Variants in MEGF9 observed in about 807,000 individuals in gnomAD.
The protein encoded by MEGF9 is multiple EGF like domains 9.
MEGF9 carries 6 observed loss-of-function variants against 46.8 expected under a neutral mutation model. The ratio of observed to expected loss-of-function variants is 0.13; its 90% CI spans 0.07 to 0.25. The LOEUF (loss-of-function observed/expected upper bound fraction) is 0.25, where lower values mean the gene tolerates loss of function less well. MEGF9 is among the 10% of genes least tolerant of loss of function. The probability of loss-of-function intolerance (pLI) is 1.00; values close to 1 mark genes in which losing one functional copy is unlikely to be tolerated. For missense variants in MEGF9, 683 were observed against 792.4 expected (o/e 0.86, Z 1.66); for synonymous variants, 302 against 330.7 (o/e 0.91, Z 0.94).
At chr9:120,650,746 A>G (rs2043645909) in intron 2 of MEGF9, among the ~76,000 whole-genome samples, 1 of 152,248 alleles carries the variant, frequency 6.6e-6, no homozygotes, top group African/African-American at 2.4e-5. Context: ...AGGTCACAAC[A>G]GAAGAGAATT....
At chr9:120,613,275 G>C (rs985590747) in intron 3 of MEGF9, among the ~76,000 whole-genome samples, 1 of 152,042 alleles carries the variant, frequency 6.6e-6, no homozygotes, top group East Asian at 1.9e-4. Flanking sequence ...TAACCAGATG[G>C]ATATAAACAT....
chr9:120,611,828 A>G lies in MEGF9; in HGVS notation c.1087+568T>C, dbSNP rs1209606263. 2.9e-4 allele frequency among the ~76,000 whole-genome samples: 40 copies of G among 138,560 alleles called. 1 individual carries two copies. Among genetic ancestry groups the G allele is most frequent in the African/African-American group, 1.1e-3 (36 of 32,136 alleles). The allele number at this position is 138,560 out of a possible 152,430, so 90.9% of individuals were successfully genotyped here. ...AGAAAGAAAGAAAAGAAAAGAAAAG[A>G]AAGAAAGGAAGGAAGGAAGGAAGGA... On this transcript the variant is annotated intron_variant, in intron 4 of 5. Coordinates refer to ENST00000373930, the MANE Select transcript of MEGF9 (RefSeq NM_001080497.3).
At chr9:120,679,234 T>G (rs144493950) in intron 1 of MEGF9, among the ~76,000 whole-genome samples, 266 of 152,216 alleles carry the variant, frequency 1.7e-3, no homozygotes, top group African/African-American at 6.1e-3. Context: ...TAAATGTCCA[T>G]CAATGATAGA....
intron 1 of MEGF9, among the ~76,000 whole-genome samples, chr9:120,711,836 T>TAC (rs769570972): frequency 0.011 from 632 of 56,500 alleles, 7 homozygotes; most frequent in African/African-American, 0.029. Context: ...TTTCTATACA[T>TAC]ACATACATAC....
intron 2 of MEGF9, among the ~76,000 whole-genome samples, chr9:120,635,030 C>T (rs2043567996): frequency 1.3e-5 from 2 of 152,096 alleles, no homozygotes; most frequent in Non-Finnish European, 2.9e-5. Context: ...TCAGTTTTTG[C>T]TTATCTGGGA....
At position 120,714,380 on chromosome 9, in the gene MEGF9, C is replaced by A. The variant is rs1292982549; in HGVS notation, c.-22G>T. 7.8e-7 allele frequency: 1 copy of A among 1,283,842 alleles called. No individual in the cohort carries two copies. Among genetic ancestry groups the A allele is most frequent in the South Asian group, 2.2e-5 (1 of 44,740 alleles). The allele number at this position is 1,283,842 out of a possible 1,614,324, so 79.5% of individuals were successfully genotyped here. A position where few individuals can be genotyped will look rare whatever the true frequency, so the allele number is the denominator to read the frequency against. On this transcript the variant is annotated 5_prime_UTR_variant, in exon 1 of 6. The change abolishes the stop of an existing upstream ORF in the 5' untranslated region. Coordinates refer to ENST00000373930, the MANE Select transcript of MEGF9 (RefSeq NM_001080497.3). ...TCATTCATTCAGCCAGTCGGTTGGT[C>A]AGTCATCTTCTCCTCGTTGCAATCC... is the stretch of plus-strand genomic sequence containing the variant.
chr9:120,706,599 C>T (rs1054119503), intron 1 of MEGF9, among the ~76,000 whole-genome samples: 1 of 152,292 alleles, frequency 6.6e-6, no homozygotes, highest in Middle Eastern at 3.4e-3. Context: ...CTTTGGAAGG[C>T]CAAGGTGGGT....
In MEGF9 at chr9:120,714,331, T is replaced by A; in HGVS notation, c.28A>T (p.Arg10Trp). 1 of 1,329,094 alleles carries A rather than the reference T, an allele frequency of 7.5e-7. No individual in the cohort carries two copies. The allele number at this position is 1,329,094 out of a possible 1,614,324, so 82.3% of individuals were successfully genotyped here. Residue 10 changes from arginine to tryptophan, a missense_variant, in exon 1 of 6, where the codon AGG becomes TGG. Coordinates refer to ENST00000373930, the MANE Select transcript of MEGF9 (RefSeq NM_001080497.3). MNGGAERAM[R>W]SLPSLGGLAL... ...AGGCCGCCCAGGCTCGGCAGGCTCCTCATGGCGCGCTCGGCTCCGCCATTC... is the reference window on the plus strand; with the variant it reads ...AGGCCGCCCAGGCTCGGCAGGCTCCACATGGCGCGCTCGGCTCCGCCATTC...
rs115088264 is a variant in MEGF9, at chr9:120,689,866, C to T, written c.601+23892G>A. The T allele has an allele frequency of 6.6e-3, 3,209 of 488,960 alleles. 73 individuals are homozygous for T. The highest frequency in any genetic ancestry group is 0.054 in the African/African-American group (2,765 of 51,198). 30.3% of individuals were successfully genotyped at this position (488,960 alleles called of 1,614,324 possible). The stretch of plus-strand genomic sequence containing the variant: ...CTCTAAGACAGCACCTTTACTTGCA[C>T]ATTATGTCAATACCTGATAACAATT... On this transcript the variant is annotated intron_variant, in intron 1 of 5. Transcript: ENST00000373930.
At chr9:120,620,197 G>A (rs547451492) in intron 3 of MEGF9, among the ~76,000 whole-genome samples, 3 of 152,136 alleles carry the variant, frequency 2.0e-5, no homozygotes, top group African/African-American at 7.2e-5. Context: ...CAGTGGCCTC[G>A]TTGCCTTAAG....
In MEGF9 at chr9:120,713,816, G is replaced by C. The variant is rs372335800; in HGVS notation, c.543C>G (p.Ser181Arg). 3.1e-6 allele frequency: 4 copies of C among 1,299,156 alleles called. No individual in the cohort carries two copies. Among genetic ancestry groups the C allele is most frequent in the Non-Finnish European group, 3.9e-6 (4 of 1,022,804 alleles). The allele number at this position is 1,299,156 out of a possible 1,614,324, so 80.5% of individuals were successfully genotyped here. The stretch of plus-strand genomic sequence containing the variant: ...GTGGGGTGGGGAGGACGCTGCTGTT[G>C]CTGCTGCTGGGGAGATCGGGGGTCG... The part of the protein sequence containing the change: ...RTPTPDLPSS[S>R]NSSVLPTPPA... Residue 181 changes from serine (S) to arginine (R), a missense_variant, in exon 1 of 6, where the codon AGC becomes AGG. By Grantham distance (110) the Ser-to-Arg change is moderately radical. Around this residue, in one of 2 missense-constraint regions of MEGF9, gnomAD observed 370 missense variants for 371.3 expected, o/e 1.00. Coordinates refer to ENST00000373930, the MANE Select transcript of MEGF9 (RefSeq NM_001080497.3).
chr9:120,706,391 G>A (rs1323660226), intron 1 of MEGF9, among the ~76,000 whole-genome samples: 1 of 152,078 alleles, frequency 6.6e-6, no homozygotes, highest in Non-Finnish European at 1.5e-5. Flanking sequence ...AGGCACTTAG[G>A]TCAGGCATAA....
chr9:120,699,882 G>T (rs1205824470), intron 1 of MEGF9, among the ~76,000 whole-genome samples: 1 of 151,874 alleles, frequency 6.6e-6, no homozygotes, highest in African/African-American at 2.4e-5. Flanking sequence ...AATACTAAAG[G>T]ACCTCAAACC....
At chr9:120,655,243 A>AC (rs770339999) in intron 2 of MEGF9, among the ~76,000 whole-genome samples, 13 of 152,282 alleles carry the variant, frequency 8.5e-5, no homozygotes, top group Non-Finnish European at 1.6e-4. Context: ...CATAGTAAGT[A>AC]CCCTAGACAG....
rs145887419 is a variant in MEGF9 at position 120,679,795 on chromosome 9, G to A, written c.602-20220C>T. ...TCTACTAAAAATACAAAAATTAGCC[G>A]GGTGTGGTGGCAAGCACTTGTAATC... On this transcript the variant is annotated intron_variant, in intron 1 of 5. Coordinates refer to ENST00000373930, the MANE Select transcript of MEGF9 (RefSeq NM_001080497.3). 2.0e-3 allele frequency among the ~76,000 whole-genome samples: 307 copies of A among 151,964 alleles called. 1 individual carries two copies. Among genetic ancestry groups the A allele is most frequent in the African/African-American group, 7.0e-3 (292 of 41,472 alleles).
At chr9:120,658,077 C>T (rs373929189) in intron 2 of MEGF9, among the ~76,000 whole-genome samples, 2 of 151,998 alleles carry the variant, frequency 1.3e-5, no homozygotes, top group South Asian at 2.1e-4. Context: ...CTCCACCTCC[C>T]GGGTTCAACC....
At chr9:120,611,350 T>G (rs570187507) in intron 4 of MEGF9, among the ~76,000 whole-genome samples, 1 of 152,164 alleles carries the variant, frequency 6.6e-6, no homozygotes, top group South Asian at 2.1e-4. Flanking sequence ...AACACAAATG[T>G]CTATCAATTG....
intron 1 of MEGF9, among the ~76,000 whole-genome samples, chr9:120,671,081 A>G (rs1007233699): frequency 2.6e-5 from 4 of 152,212 alleles, no homozygotes; most frequent in Non-Finnish European, 4.4e-5. Flanking sequence ...CTCAGGCCAT[A>G]TTCTGCTTAA....
At chr9:120,690,027 T>C in intron 1 of MEGF9, 1 of 513,094 alleles carries the variant, frequency 1.9e-6, no homozygotes, top group South Asian at 1.5e-5. Flanking sequence ...ATGAGGGTAA[T>C]GTGGCAAATG....
Sources: allele counts gnomAD v4.1 joint callset (sites outside exome capture counted in the v4.1 genomes callset), GRCh38; gene constraint gnomAD v4.1.1; regional missense constraint gnomAD v4.1.1; transcripts MANE v1.5; gene names NCBI Gene and HGNC (gene_info 2026-07-23, HGNC 2026-07-21).